SMG6: variants seen among roughly 807,000 people sequenced by gnomAD.
The protein encoded by SMG6 is SMG6 nonsense mediated mRNA decay factor.
A neutral mutation model predicts 142.2 loss-of-function variants in SMG6; 66 were observed. The observed-to-expected ratio is 0.46, with a 90% CI of 0.38 to 0.57. The LOEUF is 0.57. Among genes scored for constraint, SMG6 ranks in the 20% least tolerant of loss-of-function variants. SMG6 has a pLI of 0.00. For missense variants in SMG6, 1,793 were observed against 1,832.0 expected, an observed-to-expected ratio of 0.98 and a Z score of 0.39; for synonymous variants, 779 against 702.4, an observed-to-expected ratio of 1.11 and a Z score of -1.72.
At chr17:2,152,747 T>C (rs1267141770) in intron 13 of SMG6, among the ~76,000 whole-genome samples, 1 of 152,240 alleles carries the variant, frequency 6.6e-6, no homozygotes. Flanking sequence ...AGCCACTTTG[T>C]AAAACAGTTT....
Position 2,196,842 on chromosome 17 carries a change from A to C in SMG6, c.2870-8327T>G, listed in dbSNP as rs940362102. On this transcript the variant is annotated intron_variant, in intron 10 of 18. Transcript: ENST00000263073. ...TCAGGAGTTTGAGACTAACGTAAACAACATAGCAAGACCCCACCTCTTCTA... is the reference window on the plus strand; with the variant it reads ...TCAGGAGTTTGAGACTAACGTAAACCACATAGCAAGACCCCACCTCTTCTA... 3.9e-5 allele frequency among the ~76,000 whole-genome samples: 6 copies of C among 152,202 alleles called. No homozygotes were observed. The South Asian group carries it at 1.2e-3, about 32-fold the overall frequency.
intron 12 of SMG6, among the ~76,000 whole-genome samples, chr17:2,185,727 C>T (rs551093458): frequency 1.8e-4 from 27 of 150,966 alleles, no homozygotes; most frequent in African/African-American, 5.6e-4. Flanking sequence ...GGTGAGAAGA[C>T]GGAAACGAGG....
chr17:2,277,378 G>A (rs917644840), intron 8 of SMG6, among the ~76,000 whole-genome samples: 1 of 151,818 alleles, frequency 6.6e-6, no homozygotes, highest in Admixed American at 6.6e-5. Flanking sequence ...GTGTTAGCCA[G>A]GATGGTCTCG....
chr17:2,191,450 G>A (rs917034215), intron 10 of SMG6, among the ~76,000 whole-genome samples: 6 of 152,170 alleles, frequency 3.9e-5, no homozygotes, highest in Non-Finnish European at 7.3e-5. Context: ...GGTGGGGGAG[G>A]AAAAGGCATT....
chr17:2,223,937 G>T (rs528901483), intron 10 of SMG6, among the ~76,000 whole-genome samples: 1 of 151,986 alleles, frequency 6.6e-6, no homozygotes, highest in Non-Finnish European at 1.5e-5. Flanking sequence ...AAAAAGAAAA[G>T]AAAAGAAAGA....
intron 12 of SMG6, among the ~76,000 whole-genome samples, chr17:2,180,607 A>G (rs975721279): frequency 6.6e-6 from 1 of 152,154 alleles, no homozygotes; most frequent in African/African-American, 2.4e-5. Context: ...AAGGAAGAGG[A>G]GCATGGGCAA....
chr17:2,163,290 G>T (rs1285907724), intron 13 of SMG6, among the ~76,000 whole-genome samples: 2 of 152,126 alleles, frequency 1.3e-5, no homozygotes, highest in African/African-American at 4.8e-5. Flanking sequence ...GGGCTCAAGT[G>T]ATTCACCCAC....
chr17:2,228,450 A>G (rs1204676627), intron 10 of SMG6, among the ~76,000 whole-genome samples: 2 of 151,930 alleles, frequency 1.3e-5, no homozygotes, highest in Non-Finnish European at 2.9e-5. Flanking sequence ...GCTGGTCTAG[A>G]ACTCCTGACC....
chr17:2,091,738 T>G (rs1429149435), intron 13 of SMG6, among the ~76,000 whole-genome samples: 1 of 151,382 alleles, frequency 6.6e-6, no homozygotes, highest in Non-Finnish European at 1.5e-5. Flanking sequence ...TGGTGCGATC[T>G]CGGCTCACTG....
At chr17:2,091,608 C>A (rs1040868945) in intron 13 of SMG6, among the ~76,000 whole-genome samples, 1 of 152,144 alleles carries the variant, frequency 6.6e-6, no homozygotes. Context: ...TTTCCCTACC[C>A]CTGCTATAGC....
chr17:2,238,843 T>C (rs2073734587), intron 9 of SMG6, among the ~76,000 whole-genome samples: 1 of 152,070 alleles, frequency 6.6e-6, no homozygotes, highest in African/African-American at 2.4e-5. Flanking sequence ...ATTCTCCCTT[T>C]GCCTTCCAAC....
At chr17:2,279,785 C>G (rs530402881) in intron 8 of SMG6, among the ~76,000 whole-genome samples, 15 of 152,298 alleles carry the variant, frequency 9.8e-5, no homozygotes, top group Non-Finnish European at 1.8e-4. Context: ...ACTCTAGACT[C>G]CAGCCATACT....
chr17:2,173,859 T>C (rs1198925347), intron 12 of SMG6, among the ~76,000 whole-genome samples: 2 of 144,280 alleles, frequency 1.4e-5, no homozygotes, highest in African/African-American at 5.4e-5. Context: ...TTTTTTTTTT[T>C]TTTTTTTTTT....
At chr17:2,181,884 C>T (rs1377508568) in intron 12 of SMG6, among the ~76,000 whole-genome samples, 2 of 152,194 alleles carry the variant, frequency 1.3e-5, no homozygotes, top group African/African-American at 2.4e-5. Context: ...TTTCCATTTC[C>T]TCAGCCGAAC....
chr17:2,192,472 C>G (rs768412815), intron 10 of SMG6, among the ~76,000 whole-genome samples: 2 of 152,136 alleles, frequency 1.3e-5, no homozygotes, highest in Non-Finnish European at 1.5e-5. Context: ...CTGGGGTCCA[C>G]GAGCCATTCC....
chr17:2,083,055 G>C (rs1380709358), intron 14 of SMG6, among the ~76,000 whole-genome samples: 1 of 152,206 alleles, frequency 6.6e-6, no homozygotes, highest in African/African-American at 2.4e-5. Flanking sequence ...CACATGGCTA[G>C]TAAAGGCAGA....
At chr17:2,267,689 G>GA (rs2074451466) in intron 8 of SMG6, among the ~76,000 whole-genome samples, 1 of 151,354 alleles carries the variant, frequency 6.6e-6, no homozygotes, top group African/African-American at 2.4e-5. Context: ...AGAGAACCAG[G>GA]CCAAAAGCTT....
chr17:2,210,941 C>T (rs529915304), intron 10 of SMG6, among the ~76,000 whole-genome samples: 1 of 151,360 alleles, frequency 6.6e-6, no homozygotes, highest in African/African-American at 2.4e-5. Context: ...GGAAGAAATC[C>T]CCTTCTGAAA....
chr17:2,187,327 C>T (rs535934883), intron 11 of SMG6, among the ~76,000 whole-genome samples: 2 of 152,318 alleles, frequency 1.3e-5, no homozygotes, highest in East Asian at 3.9e-4. Context: ...CTAAATGCAA[C>T]GTGTGCTCCT....
Sources: allele counts gnomAD v4.1 joint callset (sites outside exome capture counted in the v4.1 genomes callset), GRCh38; gene constraint gnomAD v4.1.1; transcripts MANE v1.5; gene names NCBI Gene and HGNC (gene_info 2026-07-23, HGNC 2026-07-21).